TSPEAR: variants seen among roughly 807,000 people sequenced by gnomAD.
The protein encoded by TSPEAR is thrombospondin type laminin G domain and EAR repeats, also known as thrombospondin-type laminin G domain and EAR repeat-containing protein.
In TSPEAR, 69 loss-of-function variants were observed where a neutral mutation model predicts 71.6. That is an observed-to-expected ratio of 0.96 (90% CI 0.79 to 1.18). TSPEAR has a LOEUF of 1.18. Ranked by LOEUF, TSPEAR falls within the 50% of genes most tolerant of loss-of-function variation. TSPEAR has a pLI of 0.00. For synonymous variants in TSPEAR, 402 were observed against 387.2 expected (o/e 1.04, Z -0.45); for missense variants, 971 against 894.9 (o/e 1.09, Z -1.09).
At chr21:44,689,739 A>ATATATATATATTTTTTTTTTT (rs1555949531) in intron 1 of TSPEAR, among the ~76,000 whole-genome samples, 1 of 128,172 alleles carries the variant, frequency 7.8e-6, no homozygotes, top group African/African-American at 3.2e-5. Flanking sequence ...ATATATATAT[A>ATATATATATATTTTTTTTTTT]TTTTGGGGGG....
At chr21:44,666,358 T>A in intron 1 of TSPEAR, 1 of 1,357,046 alleles carries the variant, frequency 7.4e-7, no homozygotes, top group African/African-American at 1.5e-5. Flanking sequence ...ACCTGCACCA[T>A]GTGCAGAAGA....
rs587753482 is a variant in TSPEAR, at chr21:44,628,960, A to G, written c.83-60955T>C. On this transcript the variant is annotated intron_variant, in intron 1 of 11. Coordinates refer to ENST00000323084, the MANE Select transcript of TSPEAR (RefSeq NM_144991.3). ...GGGTGGGTGGAGGGCCGGTGGGAAC[A>G]GGAAGGTCTCAGGGCGGCGATGACA... Among the ~76,000 whole-genome samples the G allele has an allele frequency of 2.3e-3, 355 of 152,158 alleles. 4 individuals carry two copies. The highest frequency in any genetic ancestry group is 8.2e-3 in the African/African-American group (340 of 41,506).
chr21:44,553,144 C>G (rs1401044920), intron 2 of TSPEAR, among the ~76,000 whole-genome samples: 3 of 152,168 alleles, frequency 2.0e-5, no homozygotes, highest in Admixed American at 2.0e-4. Flanking sequence ...GGGAGCATTC[C>G]AAGCACTTGG....
intron 1 of TSPEAR, among the ~76,000 whole-genome samples, chr21:44,632,088 A>G (rs782709609): frequency 2.0e-5 from 3 of 152,240 alleles, no homozygotes; most frequent in Non-Finnish European, 4.4e-5. Context: ...TTTAACTACA[A>G]TAATTTTTTA....
chr21:44,515,026 ACCCCACAC>A (rs1555913198), intron 9 of TSPEAR, among the ~76,000 whole-genome samples: 2 of 151,506 alleles, frequency 1.3e-5, no homozygotes, highest in African/African-American at 4.9e-5. Flanking sequence ...CCCCACCTGC[ACCCCACAC>A]CCCCGCAGAC....
chr21:44,585,968 C>G (rs1434702809), intron 1 of TSPEAR, among the ~76,000 whole-genome samples: 3 of 152,222 alleles, frequency 2.0e-5, no homozygotes, highest in Admixed American at 1.3e-4. Flanking sequence ...CACTGGGGCT[C>G]TCAGGGTGGG....
chr21:44,533,961 G>GGT, intron 2 of TSPEAR, 38 bp from the exon 3 acceptor site: 1 of 1,345,100 alleles, frequency 7.4e-7, no homozygotes, highest in Non-Finnish European at 1.0e-6. Flanking sequence ...GGGGCTGGGG[G>GGT]TAGGGGTCGG....
At chr21:44,690,139 A>T (rs952503177) in intron 1 of TSPEAR, among the ~76,000 whole-genome samples, 1 of 152,206 alleles carries the variant, frequency 6.6e-6, no homozygotes, top group Non-Finnish European at 1.5e-5. Context: ...GAGGTTGAGA[A>T]ATCGCTCTGA....
chr21:44,518,567 C>T (rs2052659640), intron 9 of TSPEAR: 1 of 450,142 alleles, frequency 2.2e-6, no homozygotes, highest in South Asian at 1.6e-5. Flanking sequence ...CGTGGCACAA[C>T]AGCTGTTAGG....
chr21:44,705,900 T>G (rs1370161785), intron 1 of TSPEAR, among the ~76,000 whole-genome samples: 2 of 152,136 alleles, frequency 1.3e-5, no homozygotes, highest in African/African-American at 4.8e-5. Flanking sequence ...CTTTTGAAAC[T>G]CCCTAATAAA....
chr21:44,581,799 C>T (rs17004678), intron 1 of TSPEAR, among the ~76,000 whole-genome samples: 4,480 of 152,206 alleles, frequency 0.029, 193 homozygotes, highest in African/African-American at 0.094. Context: ...CGTTTTTCCC[C>T]TCGTTTCACT....
chr21:44,539,376 G>A (rs1569173412), intron 2 of TSPEAR: 1 of 1,612,756 alleles, frequency 6.2e-7, no homozygotes. Context: ...CAGCTGGCCT[G>A]GCAGGAGGAG....
At chr21:44,684,444 G>A (rs1463336225) in intron 1 of TSPEAR, among the ~76,000 whole-genome samples, 1 of 152,230 alleles carries the variant, frequency 6.6e-6, no homozygotes, top group Non-Finnish European at 1.5e-5. Flanking sequence ...TGAGGCAGGA[G>A]GATAGCTTGA....
chr21:44,697,117 C>T lies in TSPEAR; in HGVS notation c.82+14316G>A, dbSNP rs1296545573. 6 of 1,567,754 alleles carry T rather than the reference C, an allele frequency of 3.8e-6. No homozygotes were observed. In the African/African-American group the frequency reaches 6.7e-5, roughly 18 times the overall value. On this transcript the variant is annotated intron_variant, in intron 1 of 11. Coordinates refer to ENST00000323084, the MANE Select transcript of TSPEAR (RefSeq NM_144991.3). ...CATCCAGCACCCAGACACTCACTCA[C>T]TCCCTCCTTCCCATCCAGCACCCAG...
intron 1 of TSPEAR, among the ~76,000 whole-genome samples, chr21:44,610,844 C>T (rs1472317119): frequency 2.6e-5 from 4 of 152,204 alleles, no homozygotes; most frequent in Non-Finnish European, 5.9e-5. Flanking sequence ...ATCATTATGA[C>T]CTGGATGTGA....
chr21:44,531,011 G>A (rs369654805), intron 4 of TSPEAR, 32 bp downstream of exon 4: 58 of 1,569,438 alleles, frequency 3.7e-5, no homozygotes, highest in East Asian at 6.7e-5. Context: ...CCCGCAGCAC[G>A]GGTGTTGGGA....
intron 1 of TSPEAR, chr21:44,658,433 C>G: frequency 1.7e-6 from 1 of 585,858 alleles, no homozygotes; most frequent in Non-Finnish European, 2.7e-6. Context: ...CTTCCATGAC[C>G]CTGGGAACCC....
Position 44,593,554 on chromosome 21 carries a change from G to A in TSPEAR, c.83-25549C>T, listed in dbSNP as rs781820171. 4.6e-5 allele frequency among the ~76,000 whole-genome samples: 7 copies of A among 152,062 alleles called. No homozygotes were observed. The highest frequency in any genetic ancestry group is 2.1e-4 in the South Asian group (1 of 4,798). ...CCCACGGGGACCCCCGAAAAACTGC[G>A]TTCCTGGCCATGACAGGAAGGGAGG... On this transcript the variant is annotated intron_variant, in intron 1 of 11. Coordinates refer to ENST00000323084, the MANE Select transcript of TSPEAR (RefSeq NM_144991.3). The surrounding 1 kb of genome is among the most constrained non-coding windows in gnomAD (Gnocchi z 5.9).
chr21:44,635,345 CAA>C (rs56054652), intron 1 of TSPEAR, among the ~76,000 whole-genome samples: 903 of 83,864 alleles, frequency 0.011, 3 homozygotes, highest in South Asian at 0.057. Flanking sequence ...GACTCTGTCT[CAA>C]AAAAAAAAAA....
Sources: gnomAD v4.1 joint callset for allele counts (sites outside exome capture counted in the v4.1 genomes callset) on GRCh38, gnomAD v4.1.1 for gene constraint, Gnocchi (gnomAD v3.1) non-coding constraint, MANE v1.5 for transcripts, NCBI Gene and HGNC (gene_info 2026-07-23, HGNC 2026-07-21) for gene names.